The following TJP2 variants were observed in gnomAD, a reference collection of about 807,000 sequenced individuals.
The protein encoded by TJP2 is tight junction protein 2, also known as Friedreich ataxia region gene X104 (tight junction protein ZO-2).
TJP2 carries 91 observed loss-of-function variants against 133.1 expected under a neutral mutation model. The ratio of observed to expected loss-of-function variants is 0.68; its 90% CI spans 0.58 to 0.81. The LOEUF (loss-of-function observed/expected upper bound fraction) is 0.81. Ranked by LOEUF, TJP2 falls within the 40% of genes least tolerant of loss-of-function variation. The pLI, the probability that TJP2 is intolerant of heterozygous loss-of-function variation, is 0.00. For synonymous variants in TJP2, 592 were observed against 583.4 expected (o/e 1.01, Z -0.21); for missense variants, 1,541 against 1,565.6 (o/e 0.98, Z 0.26).
intron 17 of TJP2, among the ~76,000 whole-genome samples, chr9:69,242,612 G>T (rs543500743): frequency 6.6e-6 from 1 of 152,314 alleles, no homozygotes; most frequent in Non-Finnish European, 1.5e-5. Flanking sequence ...GATAGATGGT[G>T]CAGGGTGTGC....
upstream of TJP2, chr9:69,174,148 C>A: frequency 7.9e-7 from 1 of 1,262,616 alleles, no homozygotes; most frequent in Non-Finnish European, 9.9e-7. Context: ...GACAGTTTCC[C>A]GGGCCGGGCG....
At chr9:69,142,541 TCTA>T (rs1823058766) in intron 1 of TJP2, among the ~76,000 whole-genome samples, 1 of 152,200 alleles carries the variant, frequency 6.6e-6, no homozygotes, top group African/African-American at 2.4e-5. Context: ...CCCTAACTCT[TCTA>T]CTTTTAGTTA....
At chr9:69,174,508 G>A (rs760767882) in intron 1 of TJP2, 76 bp downstream of exon 1, 3 of 1,450,046 alleles carry the variant, frequency 2.1e-6, no homozygotes, top group Admixed American at 2.0e-5. Flanking sequence ...GGCTCTGCTC[G>A]CGTGCTGCTC....
At chr9:69,140,029 C>G (rs1486326546) in intron 1 of TJP2, among the ~76,000 whole-genome samples, 2 of 152,172 alleles carry the variant, frequency 1.3e-5, no homozygotes, top group Non-Finnish European at 2.9e-5. Context: ...CTCAAACACC[C>G]TCAGAGCTGC....
At chr9:69,238,235 G>A (rs1830335831) in intron 15 of TJP2, among the ~76,000 whole-genome samples, 1 of 152,072 alleles carries the variant, frequency 6.6e-6, no homozygotes, top group Admixed American at 6.5e-5. Flanking sequence ...CTAAGAACAA[G>A]GACTTTCTCC....
chr9:69,233,422 T>G (rs1471329674), intron 11 of TJP2, among the ~76,000 whole-genome samples: 2 of 152,268 alleles, frequency 1.3e-5, no homozygotes, highest in African/African-American at 4.8e-5. Context: ...TCAGGTACTT[T>G]AATATGGTTT....
In TJP2 at chr9:69,199,612, G is replaced by A. The variant is rs143810575; in HGVS notation, c.61-12936G>A. On this transcript the variant is annotated intron_variant, in intron 1 of 22. Coordinates refer to ENST00000377245, the MANE Select transcript of TJP2 (RefSeq NM_004817.4). Reference sequence around the variant, plus strand: ...CAGAAAACCATTGGCCCATTTATTGGATGGTGTCCTCCCGAAGTTTCACAT... The same window carrying A: ...CAGAAAACCATTGGCCCATTTATTGAATGGTGTCCTCCCGAAGTTTCACAT... Among the ~76,000 whole-genome samples the A allele has an allele frequency of 9.5e-3, 1,452 of 152,306 alleles. 18 individuals are homozygous for A. The highest frequency in any genetic ancestry group is 0.014 in the Non-Finnish European group (959 of 68,032).
At chr9:69,158,833 G>A (rs867854083) in intron 2 of TJP2, among the ~76,000 whole-genome samples, 1 of 152,146 alleles carries the variant, frequency 6.6e-6, no homozygotes, top group East Asian at 1.9e-4. Flanking sequence ...GGAATGGGGG[G>A]GTTCTTCACT....
chr9:69,198,208 C>G (rs2133104894), intron 1 of TJP2, among the ~76,000 whole-genome samples: 1 of 142,614 alleles, frequency 7.0e-6, no homozygotes, highest in Admixed American at 7.6e-5. Context: ...GTGACACTAT[C>G]TCAGCTCAGT....
chr9:69,245,137 G>A (rs1353916360), intron 17 of TJP2, among the ~76,000 whole-genome samples: 7 of 152,176 alleles, frequency 4.6e-5, no homozygotes, highest in Non-Finnish European at 8.8e-5. Flanking sequence ...GAAGTCCGTG[G>A]AATCAAAGTT....
intron 1 of TJP2, chr9:69,145,932 C>CT (rs1400341681): frequency 2.0e-6 from 1 of 504,122 alleles, no homozygotes; most frequent in Non-Finnish European, 3.1e-6. Context: ...TAAATGAGTT[C>CT]TTCATTAAGA....
intron 2 of TJP2, among the ~76,000 whole-genome samples, chr9:69,213,857 C>T (rs1828136775): frequency 6.6e-6 from 1 of 152,184 alleles, no homozygotes; most frequent in Admixed American, 6.5e-5. Context: ...CAGGTGCCGG[C>T]TGGTGGTGCT....
At chr9:69,128,915 T>G (rs78469581) in intron 1 of TJP2, among the ~76,000 whole-genome samples, 9,299 of 152,260 alleles carry the variant, frequency 0.061, 414 homozygotes, top group East Asian at 0.23. Flanking sequence ...GAATAAATTC[T>G]CCAGTTTCAA....
intron 11 of TJP2, 113 bp downstream of exon 11, chr9:69,230,345 C>T: frequency 7.3e-7 from 1 of 1,379,074 alleles, no homozygotes; most frequent in Non-Finnish European, 1.0e-6. Flanking sequence ...AGAGCAGCTG[C>T]AAGTTTGTTG....
intron 1 of TJP2, among the ~76,000 whole-genome samples, chr9:69,199,893 A>G (rs1274759800): frequency 6.6e-6 from 1 of 152,030 alleles, no homozygotes; most frequent in Non-Finnish European, 1.5e-5. Context: ...CAGCTTCCCT[A>G]TTTGTAAAAT....
At chr9:69,129,851 T>C (rs1476564327) in intron 1 of TJP2, among the ~76,000 whole-genome samples, 1 of 151,478 alleles carries the variant, frequency 6.6e-6, no homozygotes, top group Non-Finnish European at 1.5e-5. Flanking sequence ...ACCCTGTCTC[T>C]ACTAAAAATA....
intron 1 of TJP2, among the ~76,000 whole-genome samples, chr9:69,150,732 T>C (rs1823433160): frequency 6.6e-6 from 1 of 152,198 alleles, no homozygotes. Flanking sequence ...GGCAATTCAC[T>C]TTCTCCATTT....
At chr9:69,137,309 CTTTTCT>C (rs1564372796) in intron 1 of TJP2, among the ~76,000 whole-genome samples, 1,199 of 76,650 alleles carry the variant, frequency 0.016, 8 homozygotes, top group East Asian at 0.036. Flanking sequence ...CTTTTCTTTT[CTTTTCT>C]TTTCTTTTCT....
chr9:69,229,723 C>A (rs983070098), intron 10 of TJP2, among the ~76,000 whole-genome samples: 1 of 152,218 alleles, frequency 6.6e-6, no homozygotes, highest in Non-Finnish European at 1.5e-5. Flanking sequence ...TAGGATTCTG[C>A]TTCTTTGTAC....
Sources: allele counts gnomAD v4.1 joint callset (sites outside exome capture counted in the v4.1 genomes callset), GRCh38; gene constraint gnomAD v4.1.1; transcripts MANE v1.5; gene names NCBI Gene and HGNC (gene_info 2026-07-23, HGNC 2026-07-21).